The following AKNA variants were observed in gnomAD, a reference collection of about 807,000 sequenced individuals.
AKNA encodes the protein microtubule organization protein AKNA.
AKNA carries 67 observed loss-of-function variants against 138.8 expected under a neutral mutation model. That is an observed-to-expected ratio of 0.48 (90% CI 0.40 to 0.59). The LOEUF (loss-of-function observed/expected upper bound fraction) is 0.59, where lower values mean the gene tolerates loss of function less well. Among genes scored for constraint, AKNA ranks in the 20% least tolerant of loss-of-function variants. The pLI, the probability that AKNA is intolerant of heterozygous loss-of-function variation, is 0.00. For missense variants in AKNA, 1,813 were observed against 1,880.4 expected (o/e 0.96, Z 0.66); for synonymous variants, 737 against 754.4 (o/e 0.98, Z 0.38).
At chr9:114,377,696 G>T in intron 2 of AKNA, 164 bp from the exon 3 acceptor site, 1 of 723,288 alleles carries the variant, frequency 1.4e-6, no homozygotes, top group Non-Finnish European at 2.2e-6. Context: ...TCTGATACCT[G>T]ATCTGATTAT....
At chr9:114,373,704 C>T (rs899244771) in intron 4 of AKNA, among the ~76,000 whole-genome samples, 1 of 150,386 alleles carries the variant, frequency 6.6e-6, no homozygotes, top group Non-Finnish European at 1.5e-5. Context: ...CAAAGTAAGA[C>T]CCCGTCTCTA....
At chr9:114,345,598 C>T (rs1830627778) in intron 18 of AKNA, 1 of 379,590 alleles carries the variant, frequency 2.6e-6, no homozygotes, top group East Asian at 5.4e-5. Flanking sequence ...GATTGACCAG[C>T]TGAACAGACT....
rs10534471 is a variant in AKNA, at chr9:114,357,514, A to AGT, written c.2739+405_2739+406dup. Among the ~76,000 whole-genome samples the AGT allele has an allele frequency of 6.2e-3, 935 of 151,056 alleles. 10 individuals carry two copies. The highest frequency in any genetic ancestry group is 0.016 in the African/African-American group (676 of 41,328). On this transcript the variant is annotated intron_variant, in intron 12 of 21. Transcript: ENST00000374088. ...ACCATGGGCTCGTTAGGACTACAGA[A>AGT]GTGTGTGTGTGTGTGTGTGTGTTTG...
intron 3 of AKNA, among the ~76,000 whole-genome samples, chr9:114,374,502 G>A (rs917281288): frequency 2.0e-5 from 3 of 152,184 alleles, no homozygotes; most frequent in African/African-American, 4.8e-5. Context: ...CCTGCCCACC[G>A]GTTGGCTCTG....
chr9:114,347,909 G>A lies in AKNA; in HGVS notation c.3222-9C>T. 4 of 1,550,172 alleles carry A rather than the reference G, an allele frequency of 2.6e-6. No individual in the cohort carries two copies. Among genetic ancestry groups the A allele is most frequent in the Non-Finnish European group, 3.5e-6 (4 of 1,146,728 alleles). ...GCTCACAGATGGCCTGGCTGGGGTT[G>A]GAGTGGAGACAGAAACAAAGAACAG... On this transcript the variant is annotated splice_polypyrimidine_tract_variant and intron_variant, in intron 15 of 21. Coordinates refer to ENST00000374088, the MANE Select transcript of AKNA (RefSeq NM_001317950.2).
chr9:114,346,648 C>G (rs764931185), intron 17 of AKNA, 21 bp downstream of exon 17: 2 of 1,578,214 alleles, frequency 1.3e-6, no homozygotes, highest in East Asian at 4.6e-5. Context: ...TGGAAATCAG[C>G]CTTTGCAGGT....
At chr9:114,375,912 C>A in intron 3 of AKNA, 1 of 451,912 alleles carries the variant, frequency 2.2e-6, no homozygotes, top group South Asian at 1.6e-5. Flanking sequence ...ACCCTCCCTC[C>A]ACCAGCAGGG....
chr9:114,375,249 C>A (rs1833084140), intron 3 of AKNA, among the ~76,000 whole-genome samples: 1 of 152,192 alleles, frequency 6.6e-6, no homozygotes, highest in African/African-American at 2.4e-5. Context: ...TCAGCAAAGC[C>A]CAGACTGCGG....
In AKNA at chr9:114,376,595, C is replaced by A; in HGVS notation, c.1212G>T (p.Val404=). Residue 404 remains valine, a synonymous_variant, in exon 3 of 22, where the codon GTG becomes GTT. Transcript: ENST00000374088. ...PLIFKSPAEI[V]QEVLLSSGEA... Reference sequence around the variant, plus strand: ...CTCCACTGCTCAACAGCACCTCCTGCACAATCTCAGCTGGAGACTTGAAGA... The same window carrying A: ...CTCCACTGCTCAACAGCACCTCCTGAACAATCTCAGCTGGAGACTTGAAGA... 1 of 1,614,148 alleles carries A rather than the reference C, an allele frequency of 6.2e-7. No individual in the cohort carries two copies. Among genetic ancestry groups the A allele is most frequent in the Middle Eastern group, 1.6e-4 (1 of 6,062 alleles).
At position 114,363,954 on chromosome 9, in the gene AKNA, G is replaced by A. The variant is rs1264898717; in HGVS notation, c.1788+606C>T. ...AATCTAAATTGTATTTATGACCACC[G>A]TTATCTAAAACTCCAAATTCCAAAG... On this transcript the variant is annotated intron_variant, in intron 7 of 21. Transcript: ENST00000374088. Among the ~76,000 whole-genome samples, 3 of 152,000 alleles carry A rather than the reference G, an allele frequency of 2.0e-5. No individual in the cohort carries two copies. The East Asian group carries it at 5.8e-4, about 29-fold the overall frequency.
chr9:114,369,686 CCATCAG>C (rs1347349483), intron 4 of AKNA, among the ~76,000 whole-genome samples: 1 of 148,150 alleles, frequency 6.7e-6, no homozygotes, highest in Non-Finnish European at 1.5e-5. Flanking sequence ...ATCAGCATCA[CCATCAG>C]CATCATCACC....
At chr9:114,397,725 C>T (rs1299792316), upstream of AKNA, among the ~76,000 whole-genome samples, 2 of 152,192 alleles carry the variant, frequency 1.3e-5, no homozygotes, top group Non-Finnish European at 2.9e-5. Flanking sequence ...TTGGGCCAGT[C>T]GCGCCCCCTC....
In AKNA at chr9:114,362,409, C is replaced by G; in HGVS notation, c.1913G>C (p.Arg638Pro). ...SKGTPGRFDP[R>P]RELEAEIYRL... ...GGCCTTCCACCCCAGCAGGTACCTG[C>G]GAGGATCAAATCTTCCAGGCGTCCC... is the stretch of plus-strand genomic sequence containing the variant. The change falls in exon 8 of 22, where the codon CGC becomes CCC. Residue 638 changes from arginine (R) to proline (P), a missense_variant. Arg to Pro is a moderately radical substitution (Grantham distance 103). Coordinates refer to ENST00000374088, the MANE Select transcript of AKNA (RefSeq NM_001317950.2). 1 of 1,610,426 alleles carries G rather than the reference C, an allele frequency of 6.2e-7. No individual in the cohort carries two copies. Among genetic ancestry groups the G allele is most frequent in the Non-Finnish European group, 8.5e-7 (1 of 1,178,312 alleles).
intron 3 of AKNA, 73 bp from the exon 4 acceptor site, chr9:114,374,240 T>G: frequency 7.1e-7 from 1 of 1,409,338 alleles, no homozygotes; most frequent in Middle Eastern, 1.7e-4. Flanking sequence ...GAGACCCTGA[T>G]AGCAAACCCC....
chr9:114,367,557 G>T lies in AKNA; in HGVS notation c.1714C>A (p.Gln572Lys). ...AGTCCACTCACCTTGGCCAGGAACT[G>T]GCTGGCCTGAGAAGCCAGTGCCTGG... ...QTQALASQAS[Q>K]FLAKVESFER... Residue 572 changes from glutamine to lysine, a missense_variant, in exon 6 of 22, where the codon CAG (glutamine) becomes AAG (lysine). Physicochemically the swap from Gln to Lys is moderately conservative, Grantham distance 53. Coordinates refer to ENST00000374088, the MANE Select transcript of AKNA (RefSeq NM_001317950.2). The T allele has an allele frequency of 6.2e-7, 1 of 1,613,444 alleles. No homozygotes were observed. Among genetic ancestry groups the T allele is most frequent in the East Asian group, 2.2e-5 (1 of 44,866 alleles).
At chr9:114,357,055 C>A in intron 12 of AKNA, 86 bp from the exon 13 acceptor site, 1 of 1,187,374 alleles carries the variant, frequency 8.4e-7, no homozygotes, top group Non-Finnish European at 1.2e-6. Flanking sequence ...CTGGCCTCAC[C>A]TCCCAGAGGC....
At chr9:114,386,686 C>T (rs1026827304) in intron 1 of AKNA, among the ~76,000 whole-genome samples, 2 of 152,186 alleles carry the variant, frequency 1.3e-5, no homozygotes, top group Non-Finnish European at 2.9e-5. Context: ...GCCACTGCCC[C>T]TGCTCTCTCA....
intron 1 of AKNA, chr9:114,383,033 G>A (rs530532513): frequency 1.4e-5 from 6 of 424,926 alleles, no homozygotes; most frequent in Non-Finnish European, 1.9e-5. Flanking sequence ...GGAGTGAGGC[G>A]AGCTGGGGGC....
chr9:114,343,768 G>T lies in AKNA; in HGVS notation c.3697C>A (p.Pro1233Thr), dbSNP rs751765388. Reference protein sequence around the residue: ...EYHVLSPKAVPKGNGTVSCPH... With the variant: ...EYHVLSPKAVTKGNGTVSCPH... ...CAGGAGACTGTGCCATTGCCTTTTG[G>T]GACCGCCTTAGGGGACAGAACATGG... Residue 1233 changes from proline (P) to threonine (T), a missense_variant, in exon 19 of 22, where the codon CCA becomes ACA. By Grantham distance (38) the Pro-to-Thr change is conservative. Transcript: ENST00000374088. 6.2e-7 allele frequency: 1 copy of T among 1,614,138 alleles called. No individual in the cohort carries two copies. Among genetic ancestry groups the T allele is most frequent in the Admixed American group, 1.7e-5 (1 of 60,016 alleles).
Sources: gnomAD v4.1 joint callset for allele counts (sites outside exome capture counted in the v4.1 genomes callset) on GRCh38, gnomAD v4.1.1 for gene constraint, MANE v1.5 for transcripts, NCBI Gene and HGNC (gene_info 2026-07-23, HGNC 2026-07-21) for gene names.